The following ADCY3 variants were observed in gnomAD, a reference collection of about 807,000 sequenced individuals.
ADCY3 encodes the protein adenylate cyclase type 3.
A neutral mutation model predicts 119.4 loss-of-function variants in ADCY3; 70 were observed. The ratio of observed to expected loss-of-function variants is 0.59; its 90% CI spans 0.48 to 0.72. The LOEUF (loss-of-function observed/expected upper bound fraction) is 0.72. ADCY3 is among the 30% of genes least tolerant of loss of function. The pLI is 0.00. For synonymous variants in ADCY3, 672 were observed against 621.4 expected (o/e 1.08, Z -1.21); for missense variants, 1,238 against 1,541.6 (o/e 0.80, Z 3.30).
intron 2 of ADCY3, among the ~76,000 whole-genome samples, chr2:24,879,440 G>A (rs572160713): frequency 8.7e-4 from 114 of 131,448 alleles, no homozygotes; most frequent in African/African-American, 3.2e-3. Flanking sequence ...GCGACAGAGC[G>A]AGACTCTGTC....
At chr2:24,916,051 C>G (rs972184469) in intron 2 of ADCY3, among the ~76,000 whole-genome samples, 1 of 152,222 alleles carries the variant, frequency 6.6e-6, no homozygotes, top group African/African-American at 2.4e-5. Context: ...CTCTCTGCCC[C>G]TCCTGCTCTG....
At position 24,898,299 on chromosome 2, in the gene ADCY3, G is replaced by T. The variant is rs11688665; in HGVS notation, c.675+20014C>A. 0.47 allele frequency among the ~76,000 whole-genome samples: 71,253 copies of T among 151,792 alleles called. 19,769 individuals carry two copies. The highest frequency in any genetic ancestry group is 0.79 in the African/African-American group (32,582 of 41,392). Reference sequence around the variant, plus strand: ...AGGCCCCCGGGGAGGCTCGAGGACCGCCTTTCCATCACCGTGGGGTGAGCC... The same window carrying T: ...AGGCCCCCGGGGAGGCTCGAGGACCTCCTTTCCATCACCGTGGGGTGAGCC... On this transcript the variant is annotated intron_variant, in intron 2 of 21. Transcript: ENST00000679454. The surrounding 1 kb of genome is among the most constrained non-coding windows in gnomAD (Gnocchi z 4.3).
At chr2:24,893,080 C>CTGCAG (rs975741363) in intron 2 of ADCY3, among the ~76,000 whole-genome samples, 3 of 144,974 alleles carry the variant, frequency 2.1e-5, no homozygotes, top group African/African-American at 7.9e-5. Flanking sequence ...GTCATGCAAG[C>CTGCAG]TGCAGTGCAG....
intron 2 of ADCY3, among the ~76,000 whole-genome samples, chr2:24,880,721 A>G (rs1254989503): frequency 6.6e-6 from 1 of 152,188 alleles, no homozygotes; most frequent in East Asian, 1.9e-4. Context: ...TGCAGAGTAT[A>G]AAGTCTCCTT....
chr2:24,823,434 C>T, intron 17 of ADCY3, 79 bp from the exon 18 acceptor site: 2 of 1,483,836 alleles, frequency 1.3e-6, no homozygotes, highest in Non-Finnish European at 1.8e-6. Context: ...ATCTATCTTC[C>T]ATGCATGACA....
intron 2 of ADCY3, among the ~76,000 whole-genome samples, chr2:24,877,094 C>T (rs1305837693): frequency 6.6e-6 from 1 of 152,212 alleles, no homozygotes; most frequent in African/African-American, 2.4e-5. Context: ...ACTGCTGCAC[C>T]CAAGGCAGCC....
In ADCY3 at chr2:24,918,991, G is replaced by A; in HGVS notation, c.-4C>T. 6.4e-7 allele frequency: 1 copy of A among 1,556,144 alleles called. No individual in the cohort carries two copies. The highest frequency in any genetic ancestry group is 1.2e-5 in the South Asian group (1 of 86,150). ...AGAAGCCCTGGTTCCTCGGCATACT[G>A]GCTGGTGTCTGCTACTGGCCCTAGA... On this transcript the variant is annotated 5_prime_UTR_variant, in exon 2 of 22. Transcript: ENST00000679454. This position sits in a 1 kb window ranked among gnomAD's most constrained non-coding sequence, Gnocchi z 5.4.
chr2:24,846,544 C>T (rs1347641610), intron 3 of ADCY3, among the ~76,000 whole-genome samples: 2 of 152,140 alleles, frequency 1.3e-5, no homozygotes, highest in Non-Finnish European at 2.9e-5. Context: ...ATACCTATAT[C>T]CCCATGTATC....
intron 3 of ADCY3, among the ~76,000 whole-genome samples, chr2:24,853,005 GGTGTGTGTGTGT>G (rs58904311): frequency 0.052 from 4,944 of 95,102 alleles, 133 homozygotes; most frequent in Non-Finnish European, 0.063. Context: ...ACAGCTGGAG[GGTGTGTGTGTGT>G]GTGTGTGTGT....
intron 2 of ADCY3, among the ~76,000 whole-genome samples, chr2:24,888,202 T>TC (rs777992078): frequency 7.2e-5 from 11 of 152,176 alleles, no homozygotes; most frequent in Non-Finnish European, 1.5e-4. Flanking sequence ...TCAAGTAAGT[T>TC]CCCATCCCCT....
Position 24,824,419 on chromosome 2 carries a change from G to A in ADCY3, c.2695C>T (p.His899Tyr). 1.9e-6 allele frequency: 3 copies of A among 1,614,198 alleles called. No individual in the cohort carries two copies. Among genetic ancestry groups the A allele is most frequent in the Non-Finnish European group, 1.7e-6 (2 of 1,180,032 alleles). Reference protein sequence around the residue: ...EALVTNMLPEHVARHFLGSKK... With the variant: ...EALVTNMLPEYVARHFLGSKK... ...GACCCCAGGAAATGGCGTGCCACGT[G>A]CTCAGGCAACATGTTGGTGACCAAG... The change falls in exon 17 of 22, where the codon CAC becomes TAC. Residue 899 changes from histidine to tyrosine, a missense_variant. This residue lies in a region of ADCY3 where 499 missense variants were observed against 571.0 expected (regional missense o/e 0.87). Transcript: ENST00000679454.
intron 2 of ADCY3, among the ~76,000 whole-genome samples, chr2:24,917,818 T>C (rs1664641121): frequency 1.3e-5 from 2 of 152,294 alleles, no homozygotes; most frequent in South Asian, 4.1e-4. Context: ...CGTATCCTAA[T>C]GCGCTTTCCC....
Position 24,834,423 on chromosome 2 carries a change from G to GCCCCCCCCCCCCCCCC in ADCY3, c.1967+61_1967+62insGGGGGGGGGGGGGGGG. On this transcript the variant is annotated intron_variant, in intron 11 of 21. Coordinates refer to ENST00000679454, the MANE Select transcript of ADCY3 (RefSeq NM_004036.5). This position sits in a 1 kb window ranked among gnomAD's most constrained non-coding sequence, Gnocchi z 4.2. ...GGCTCCCGCTGAGACACCTGCCCCC[G>GCCCCCCCCCCCCCCCC]CCCCCCGCCCGGCACCACCGCAGCC... 7.2e-7 allele frequency: 1 copy of GCCCCCCCCCCCCCCCC among 1,388,738 alleles called. No individual in the cohort carries two copies. Among genetic ancestry groups the GCCCCCCCCCCCCCCCC allele is most frequent in the Admixed American group, 2.5e-5 (1 of 40,516 alleles). 86.0% of individuals were successfully genotyped at this position (1,388,738 alleles called of 1,614,324 possible). A position where few individuals can be genotyped will look rare whatever the true frequency, so the allele number is the denominator to read the frequency against.
chr2:24,831,368 G>A (rs1435119172), intron 12 of ADCY3, among the ~76,000 whole-genome samples: 1 of 152,126 alleles, frequency 6.6e-6, no homozygotes, highest in African/African-American at 2.4e-5. Flanking sequence ...CTCTACCCAG[G>A]TTCTTGTTTA....
rs1422493851 is a variant in ADCY3 at position 24,819,828 on chromosome 2, AAAGTC to A, written c.*99_*103del. ...GAAGGCTGAGGAGGTTTCTAAACCT[AAAGTC>A]CATGAGTGTGCACTTCAATCCAGGA... On this transcript the variant is annotated 3_prime_UTR_variant, in exon 22 of 22. Transcript: ENST00000679454. 9 of 1,252,572 alleles carry A rather than the reference AAAGTC, an allele frequency of 7.2e-6. No individual in the cohort carries two copies. Among genetic ancestry groups the A allele is most frequent in the African/African-American group, 3.0e-5 (2 of 65,764 alleles). 77.6% of individuals were successfully genotyped at this position (1,252,572 alleles called of 1,614,324 possible).
chr2:24,884,108 A>ATT (rs562797497), intron 2 of ADCY3, among the ~76,000 whole-genome samples: 2 of 147,440 alleles, frequency 1.4e-5, no homozygotes, highest in African/African-American at 5.0e-5. Context: ...GACATTCAGC[A>ATT]TTTTTTTTTT....
In ADCY3 at chr2:24,842,067, C is replaced by A. The variant is rs567498384; in HGVS notation, c.956+187G>T. 6.6e-6 allele frequency among the ~76,000 whole-genome samples: 1 copy of A among 152,298 alleles called. No individual in the cohort carries two copies. Among genetic ancestry groups the A allele is most frequent in the Non-Finnish European group, 1.5e-5 (1 of 68,020 alleles). On this transcript the variant is annotated intron_variant, in intron 4 of 21. Coordinates refer to ENST00000679454, the MANE Select transcript of ADCY3 (RefSeq NM_004036.5). This position sits in a 1 kb window ranked among gnomAD's most constrained non-coding sequence, Gnocchi z 4.9. Reference sequence around the variant, plus strand: ...TCTATGATGGGGTTGGACCAAGCAGCCTAGAGCACACTGTAGCTTCAACAT... The same window carrying A: ...TCTATGATGGGGTTGGACCAAGCAGACTAGAGCACACTGTAGCTTCAACAT...
intron 2 of ADCY3, among the ~76,000 whole-genome samples, chr2:24,911,605 G>GC (rs1427499789): frequency 7.7e-6 from 1 of 129,942 alleles, no homozygotes; most frequent in East Asian, 2.2e-4. Context: ...AGCCAAGATA[G>GC]CATCATTGCA....
intron 20 of ADCY3, 179 bp from the exon 21 acceptor site, chr2:24,821,027 C>T: frequency 3.4e-6 from 3 of 886,738 alleles, no homozygotes; most frequent in South Asian, 1.9e-5. Context: ...TATCCGTGTG[C>T]TTGTTAGGTG....
Sources: allele counts gnomAD v4.1 joint callset (sites outside exome capture counted in the v4.1 genomes callset), GRCh38; gene constraint gnomAD v4.1.1; regional missense constraint gnomAD v4.1.1; non-coding constraint Gnocchi (gnomAD v3.1); transcripts MANE v1.5; gene names NCBI Gene and HGNC (gene_info 2026-07-23, HGNC 2026-07-21).